ZNF609: variants seen among roughly 807,000 people sequenced by gnomAD.
The protein encoded by ZNF609 is zinc finger protein 609.
Under a neutral mutation model 109.5 loss-of-function variants are expected in ZNF609, and 11 were observed. That is an observed-to-expected ratio of 0.10 (90% CI 0.06 to 0.17). ZNF609 has a LOEUF of 0.17. Among genes scored for constraint, ZNF609 ranks in the 10% least tolerant of loss-of-function variants. The pLI is 1.00. For synonymous variants in ZNF609, 646 were observed against 662.0 expected (o/e 0.98, Z 0.37); for missense variants, 1,559 against 1,772.4 (o/e 0.88, Z 2.16).
intron 1 of ZNF609, among the ~76,000 whole-genome samples, chr15:64,481,830 G>A (rs1341294876): frequency 6.6e-6 from 1 of 152,076 alleles, no homozygotes; most frequent in East Asian, 1.9e-4. Flanking sequence ...TGTCGCCTAG[G>A]CTGGAGTACA....
At chr15:64,631,196 C>A in intron 3 of ZNF609, 1 of 620,838 alleles carries the variant, frequency 1.6e-6, no homozygotes, top group Non-Finnish European at 3.1e-6. Context: ...TGGGTAGAGG[C>A]TGCTGCTTCA....
chr15:64,626,712 C>T (rs1016747331), intron 3 of ZNF609, among the ~76,000 whole-genome samples: 3 of 152,198 alleles, frequency 2.0e-5, no homozygotes, highest in African/African-American at 7.2e-5. Context: ...TTCCTCTTCT[C>T]TCCCTATCAC....
chr15:64,577,147 C>CACACAATATATACAT (rs1894991714), intron 2 of ZNF609, among the ~76,000 whole-genome samples: 1 of 38,556 alleles, frequency 2.6e-5, no homozygotes, highest in African/African-American at 7.0e-5. Context: ...CAAATATATA[C>CACACAATATATACAT]ATATGTGTAT....
intron 2 of ZNF609, among the ~76,000 whole-genome samples, chr15:64,561,149 A>G (rs1894672700): frequency 1.3e-5 from 2 of 152,106 alleles, no homozygotes; most frequent in African/African-American, 4.8e-5. Context: ...CCTCCCCAGT[A>G]CTCAGCTTAT....
intron 2 of ZNF609, among the ~76,000 whole-genome samples, chr15:64,591,985 G>A (rs1406308364): frequency 6.6e-6 from 1 of 151,910 alleles, no homozygotes; most frequent in Non-Finnish European, 1.5e-5. Flanking sequence ...CTGGGATTGC[G>A]AGTGTCAGCC....
At chr15:64,599,405 G>A (rs1895457776) in intron 2 of ZNF609, among the ~76,000 whole-genome samples, 3 of 151,958 alleles carry the variant, frequency 2.0e-5, no homozygotes, top group Non-Finnish European at 1.5e-5. Flanking sequence ...CTAGACTGGT[G>A]CCTGGCATGT....
intron 2 of ZNF609, among the ~76,000 whole-genome samples, chr15:64,609,076 C>CTCTTTCTTTCTT (rs1895664078): frequency 3.0e-5 from 1 of 33,628 alleles, no homozygotes; most frequent in African/African-American, 8.2e-5. Context: ...TTCTTTCTTT[C>CTCTTTCTTTCTT]TTTCTTTCTT....
At chr15:64,637,390 T>C (rs1896191952) in intron 3 of ZNF609, among the ~76,000 whole-genome samples, 1 of 152,218 alleles carries the variant, frequency 6.6e-6, no homozygotes, top group South Asian at 2.1e-4. Flanking sequence ...TACATATTCC[T>C]ATCTATCTAT....
At chr15:64,527,200 A>C (rs1018198631) in intron 2 of ZNF609, among the ~76,000 whole-genome samples, 2 of 149,916 alleles carry the variant, frequency 1.3e-5, no homozygotes, top group Non-Finnish European at 3.0e-5. Flanking sequence ...TTCATCACAT[A>C]TTTATTGATC....
At chr15:64,653,021 T>G (rs1896440851) in intron 3 of ZNF609, 1 of 152,288 alleles carries the variant, frequency 6.6e-6, no homozygotes, top group Non-Finnish European at 1.5e-5. Flanking sequence ...ACTCCAAGTC[T>G]GTACAGAATG....
intron 2 of ZNF609, among the ~76,000 whole-genome samples, chr15:64,606,902 G>T (rs1895611479): frequency 1.3e-5 from 2 of 152,184 alleles, no homozygotes; most frequent in Admixed American, 1.3e-4. Flanking sequence ...CCAGCACTTT[G>T]GGAGGCCGAG....
chr15:64,469,535 G>A (rs570559109), intron 1 of ZNF609, among the ~76,000 whole-genome samples: 51 of 150,594 alleles, frequency 3.4e-4, no homozygotes, highest in Middle Eastern at 6.9e-3. Flanking sequence ...AAATATAGCC[G>A]GTATTCAGAA....
At chr15:64,603,085 A>G (rs991100759) in intron 2 of ZNF609, among the ~76,000 whole-genome samples, 10 of 151,208 alleles carry the variant, frequency 6.6e-5, no homozygotes, top group African/African-American at 2.4e-4. Flanking sequence ...CTTTGCATCC[A>G]GTTGCCTATT....
intron 1 of ZNF609, among the ~76,000 whole-genome samples, chr15:64,466,145 C>CG (rs1215854623): frequency 1.6e-5 from 2 of 127,712 alleles, no homozygotes; most frequent in South Asian, 2.5e-4. Context: ...AAAAAGTTAG[C>CG]GGGGGGTATA....
chr15:64,472,263 G>A (rs1596375365), intron 1 of ZNF609, among the ~76,000 whole-genome samples: 1 of 152,156 alleles, frequency 6.6e-6, no homozygotes, highest in African/African-American at 2.4e-5. Flanking sequence ...TGCAGCATGG[G>A]GGTTGGATTG....
chr15:64,469,494 G>T (rs2140329244), intron 1 of ZNF609, among the ~76,000 whole-genome samples: 2 of 148,672 alleles, frequency 1.3e-5, no homozygotes, highest in South Asian at 4.2e-4. Flanking sequence ...TAACATAAGT[G>T]AGCATCTTTT....
Position 64,675,627 on chromosome 15 carries a change from A to G in ZNF609, c.2773A>G (p.Lys925Glu). The G allele has an allele frequency of 6.2e-7, 1 of 1,614,032 alleles. No individual in the cohort carries two copies. Among genetic ancestry groups the G allele is most frequent in the South Asian group, 1.1e-5 (1 of 91,080 alleles). Residue 925 changes from lysine (K) to glutamate (E), a missense_variant, in exon 5 of 10, where the codon AAG becomes GAG. Physicochemically the swap from Lys to Glu is moderately conservative, Grantham distance 56 (BLOSUM62 1). This residue lies in a region of ZNF609 where 1,204 missense variants were observed against 1,314.1 expected (regional missense o/e 0.92). Coordinates refer to ENST00000326648, the MANE Select transcript of ZNF609 (RefSeq NM_015042.2). ...GGCAGGAGTGGAGAGCCAGGCCCTG[A>G]AGACAAAAAGGGATGAGGAACCTGA... ...SQAGVESQAL[K>E]TKRDEEPESI... is the part of the protein sequence containing the mutation.
At chr15:64,460,967 G>A (rs1892930541) in intron 1 of ZNF609, 129 bp downstream of exon 1, 1 of 104,122 alleles carries the variant, frequency 9.6e-6, no homozygotes, top group Non-Finnish European at 2.0e-5. Context: ...GGAAGTGGGG[G>A]TTGGGGGGGC....
At chr15:64,503,268 C>G (rs1419467704) in intron 2 of ZNF609, among the ~76,000 whole-genome samples, 1 of 152,126 alleles carries the variant, frequency 6.6e-6, no homozygotes, top group Non-Finnish European at 1.5e-5. Flanking sequence ...AGAGATGGCT[C>G]TTAGCAACTG....
Sources: gnomAD v4.1 joint callset for allele counts (sites outside exome capture counted in the v4.1 genomes callset) on GRCh38, gnomAD v4.1.1 for gene constraint, gnomAD v4.1.1 regional missense constraint, MANE v1.5 for transcripts, NCBI Gene and HGNC (gene_info 2026-07-23, HGNC 2026-07-21) for gene names.